ACYP2: variants seen among roughly 807,000 people sequenced by gnomAD.
The protein encoded by ACYP2 is acylphosphatase-2.
A neutral mutation model predicts 11.2 loss-of-function variants in ACYP2; 12 were observed. The observed-to-expected ratio is 1.08, with a 90% confidence interval of 0.69 to 1.74. ACYP2 has a LOEUF of 1.74. Among genes scored for constraint, ACYP2 ranks in the 40% most tolerant of loss-of-function variants. The pLI, the probability that ACYP2 is intolerant of heterozygous loss-of-function variation, is 0.00. For missense variants in ACYP2, 134 were observed against 101.9 expected (o/e 1.31, Z -1.35); for synonymous variants, 43 against 32.2 (o/e 1.33, Z -1.13).
chr2:54,221,956 A>G (rs1173269624), intron 6 of ACYP2, among the ~76,000 whole-genome samples: 1 of 152,204 alleles, frequency 6.6e-6, no homozygotes, highest in African/African-American at 2.4e-5. Context: ...GCATTTGTTA[A>G]GGGCCTGGCC....
chr2:53,997,761 C>T (rs1354523328), intron 2 of ACYP2, among the ~76,000 whole-genome samples: 2 of 152,026 alleles, frequency 1.3e-5, no homozygotes, highest in Non-Finnish European at 2.9e-5. Flanking sequence ...ATTAAGAAGC[C>T]ACTACAGAAT....
At chr2:54,125,472 A>G (rs115514188) in intron 4 of ACYP2, among the ~76,000 whole-genome samples, 7,846 of 152,266 alleles carry the variant, frequency 0.052, 630 homozygotes, top group African/African-American at 0.18. Flanking sequence ...ATTTTTGGCC[A>G]GGCACGGTGG....
At chr2:54,005,648 A>G (rs949675601) in intron 2 of ACYP2, among the ~76,000 whole-genome samples, 9 of 152,108 alleles carry the variant, frequency 5.9e-5, no homozygotes, top group South Asian at 2.1e-4. Flanking sequence ...CTGAAGGCCT[A>G]TGGTTTCTCT....
intron 4 of ACYP2, among the ~76,000 whole-genome samples, chr2:54,126,866 A>T (rs543348412): frequency 2.0e-5 from 3 of 151,940 alleles, no homozygotes; most frequent in Non-Finnish European, 2.9e-5. Context: ...AGGCAGGAGA[A>T]TAAGTTGGAC....
intron 6 of ACYP2, among the ~76,000 whole-genome samples, chr2:54,208,690 G>C (rs565835130): frequency 6.9e-5 from 9 of 129,848 alleles, no homozygotes; most frequent in Middle Eastern, 3.8e-3. Flanking sequence ...TTTAGATTTT[G>C]AAAAAAAAGG....
In ACYP2 at chr2:54,115,489, C is replaced by T. The variant is rs1393767132; in HGVS notation, c.278-19964C>T. The T allele has an allele frequency of 4.4e-6, 6 of 1,378,344 alleles. No individual in the cohort carries two copies. In the East Asian group the frequency reaches 1.6e-4, roughly 37 times the overall value. 85.4% of individuals were successfully genotyped at this position (1,378,344 alleles called of 1,614,324 possible). A position where few individuals can be genotyped will look rare whatever the true frequency, so the allele number is the denominator to read the frequency against. On this transcript the variant is annotated intron_variant, in intron 4 of 6. Coordinates refer to ENST00000607452, the MANE Select transcript of ACYP2 (RefSeq NM_001320586.2). The stretch of plus-strand genomic sequence containing the variant: ...GATGCCTGGGGCCCAGCGGCCTCTT[C>T]CCTCCTGGCGTCCCCGGCTGCCCTC...
At chr2:54,206,093 G>C (rs1301655003) in intron 6 of ACYP2, among the ~76,000 whole-genome samples, 4 of 152,118 alleles carry the variant, frequency 2.6e-5, no homozygotes, top group African/African-American at 7.2e-5. Flanking sequence ...TAAAGTTACT[G>C]CATTATTTTA....
chr2:54,022,993 G>A (rs1409005587), intron 2 of ACYP2, among the ~76,000 whole-genome samples: 1 of 152,090 alleles, frequency 6.6e-6, no homozygotes, highest in African/African-American at 2.4e-5. Context: ...TCCTTATTAA[G>A]GCTCCCATAT....
intron 6 of ACYP2, among the ~76,000 whole-genome samples, chr2:54,232,695 G>A (rs1452685349): frequency 3.3e-5 from 5 of 152,098 alleles, no homozygotes; most frequent in East Asian, 1.9e-4. Flanking sequence ...CTCAGGAAAC[G>A]TACAATCATG....
At chr2:54,079,475 C>T (rs1677528089) in intron 4 of ACYP2, among the ~76,000 whole-genome samples, 1 of 152,200 alleles carries the variant, frequency 6.6e-6, no homozygotes, top group Non-Finnish European at 1.5e-5. Flanking sequence ...CCAGCTGTCC[C>T]TCTCCTTCTG....
rs571172740 is a variant in ACYP2 at position 54,242,131 on chromosome 2, T to C, written c.405-62557T>C. 2.0e-4 allele frequency among the ~76,000 whole-genome samples: 30 copies of C among 152,348 alleles called. No individual in the cohort carries two copies. In the South Asian group the frequency reaches 6.0e-3, roughly 31 times the overall value. On this transcript the variant is annotated intron_variant, in intron 6 of 6. Coordinates refer to ENST00000607452, the MANE Select transcript of ACYP2 (RefSeq NM_001320586.2). ...TATATTGCATGCTTGGTGAAAGTAA[T>C]GGCAGGTTTGCTATGTTCAAAACAT... is the stretch of plus-strand genomic sequence containing the variant.
intron 6 of ACYP2, among the ~76,000 whole-genome samples, chr2:54,284,997 T>C (rs1346308352): frequency 1.3e-5 from 2 of 152,200 alleles, no homozygotes; most frequent in African/African-American, 4.8e-5. Context: ...ACAACATAAA[T>C]TTACTGCTCA....
chr2:54,207,981 G>A (rs991296926), intron 6 of ACYP2, among the ~76,000 whole-genome samples: 9 of 152,104 alleles, frequency 5.9e-5, no homozygotes, highest in African/African-American at 2.2e-4. Context: ...GCAATCCTAA[G>A]CCTGTTATAA....
chr2:54,102,774 C>T (rs1195036760), intron 4 of ACYP2, among the ~76,000 whole-genome samples: 1 of 150,968 alleles, frequency 6.6e-6, no homozygotes, highest in Non-Finnish European at 1.5e-5. Context: ...TTATCTTTTG[C>T]CCTGCTCTCC....
chr2:54,043,391 A>C (rs1242174862), intron 2 of ACYP2, among the ~76,000 whole-genome samples: 1 of 152,192 alleles, frequency 6.6e-6, no homozygotes, highest in Non-Finnish European at 1.5e-5. Context: ...GATTGAAGGC[A>C]TGCTCAGTGG....
At chr2:54,057,175 A>G (rs1676197326) in intron 3 of ACYP2, 2 of 395,636 alleles carry the variant, frequency 5.1e-6, no homozygotes, top group African/African-American at 4.1e-5. Context: ...TAACTATGCA[A>G]CCTGCCCTTG....
In ACYP2 at chr2:54,294,346, A is replaced by C. The variant is rs1037687956; in HGVS notation, c.405-10342A>C. Among the ~76,000 whole-genome samples the C allele has an allele frequency of 1.6e-4, 25 of 152,180 alleles. 1 individual carries two copies. The highest frequency in any genetic ancestry group is 1.4e-3 in the Admixed American group (21 of 15,266). Reference sequence around the variant, plus strand: ...TTTCTACATAGGATGGATTCTTCATACATTCCACTCCCCTATATTTTTGCT... The same window carrying C: ...TTTCTACATAGGATGGATTCTTCATCCATTCCACTCCCCTATATTTTTGCT... On this transcript the variant is annotated intron_variant, in intron 6 of 6. Coordinates refer to ENST00000607452, the MANE Select transcript of ACYP2 (RefSeq NM_001320586.2).
intron 6 of ACYP2, among the ~76,000 whole-genome samples, chr2:54,263,360 C>T (rs1042292999): frequency 6.6e-6 from 1 of 152,174 alleles, no homozygotes; most frequent in Non-Finnish European, 1.5e-5. Flanking sequence ...CCCCATGATC[C>T]AGTCATCTCC....
chr2:54,103,080 A>T (rs565489889), intron 4 of ACYP2, among the ~76,000 whole-genome samples: 2 of 152,236 alleles, frequency 1.3e-5, no homozygotes, highest in Non-Finnish European at 2.9e-5. Flanking sequence ...CCCTAAAATC[A>T]CAAGGACTAA....
Sources: allele counts gnomAD v4.1 joint callset (sites outside exome capture counted in the v4.1 genomes callset), GRCh38; gene constraint gnomAD v4.1.1; transcripts MANE v1.5; gene names NCBI Gene and HGNC (gene_info 2026-07-23, HGNC 2026-07-21).